The following KNDC1 variants were observed in gnomAD, a reference collection of about 807,000 sequenced individuals.
KNDC1 encodes the protein kinase non-catalytic C-lobe domain-containing protein 1.
Under a neutral mutation model 172.8 loss-of-function variants are expected in KNDC1, and 106 were observed. The observed-to-expected ratio is 0.61, with a 90% CI of 0.52 to 0.72. KNDC1 has a LOEUF of 0.72. KNDC1 is among the 30% of genes least tolerant of loss of function. The pLI is 0.00. For missense variants in KNDC1, 2,325 were observed against 2,394.5 expected, an observed-to-expected ratio of 0.97 and a Z score of 0.61; for synonymous variants, 1,083 against 1,062.2, an observed-to-expected ratio of 1.02 and a Z score of -0.38.
intron 8 of KNDC1, 25 bp downstream of exon 8, chr10:133,189,694 C>A (rs1481544814): frequency 6.2e-7 from 1 of 1,613,852 alleles, no homozygotes; most frequent in Admixed American, 1.7e-5. Context: ...TCCCCTCAGG[C>A]CGAGTCCAGC....
At chr10:133,195,522 A>C (rs1854164482) in intron 9 of KNDC1, 141 bp from the exon 10 acceptor site, 2 of 727,920 alleles carry the variant, frequency 2.7e-6, no homozygotes, top group Non-Finnish European at 4.0e-6. Context: ...GGCCTGATAG[A>C]TGCTGAGGAG....
At chr10:133,166,259 G>A (rs4838700) in intron 1 of KNDC1, among the ~76,000 whole-genome samples, 21 of 151,904 alleles carry the variant, frequency 1.4e-4, no homozygotes, top group Admixed American at 1.2e-3. Flanking sequence ...TCCTCCTCAC[G>A]GGCCCCACCC....
chr10:133,214,050 A>T lies in KNDC1; in HGVS notation c.4605A>T (p.Leu1535Phe). 6.2e-7 allele frequency: 1 copy of T among 1,614,178 alleles called. No homozygotes were observed. The highest frequency in any genetic ancestry group is 2.2e-5 in the East Asian group (1 of 44,882). The change falls in exon 26 of 30, where the codon TTA becomes TTT. Residue 1535 changes from leucine (L) to phenylalanine (F), a missense_variant. Transcript: ENST00000304613. ...ATTACGTTCAGGACAAGTATCTGTT[A>T]CAGCTTCTAAGAAACGCAGATGACG... ...LPNYVQDKYL[L>F]QLLRNADDVS...
chr10:133,172,495 G>A (rs895232096), intron 3 of KNDC1, among the ~76,000 whole-genome samples: 5 of 152,134 alleles, frequency 3.3e-5, no homozygotes, highest in African/African-American at 9.7e-5. Flanking sequence ...TGCGCATATT[G>A]GAGTGGACTG....
At chr10:133,185,268 G>C (rs111954081) in intron 5 of KNDC1, among the ~76,000 whole-genome samples, 100 of 133,972 alleles carry the variant, frequency 7.5e-4, no homozygotes, top group South Asian at 3.1e-3. Flanking sequence ...AGAGTAGGCA[G>C]TGTGTGCAGT....
Position 133,225,029 on chromosome 10 carries a change from G to A in KNDC1, c.*139G>A, listed in dbSNP as rs1564905079. On this transcript the variant is annotated 3_prime_UTR_variant, in exon 30 of 30. Transcript: ENST00000304613. ...ACCCTGGGGAGCTGGACCAGGAGGT[G>A]GAGGCTCAGGGGACCCCATGGGGAC... is the stretch of plus-strand genomic sequence containing the variant. The A allele has an allele frequency of 1.5e-6, 1 of 683,686 alleles. No individual in the cohort carries two copies. Among genetic ancestry groups the A allele is most frequent in the Non-Finnish European group, 2.6e-6 (1 of 390,980 alleles). The allele number at this position is 683,686 out of a possible 1,614,324, so 42.4% of individuals were successfully genotyped here.
chr10:133,205,065 C>A (rs938226826), intron 17 of KNDC1, among the ~76,000 whole-genome samples: 2 of 73,360 alleles, frequency 2.7e-5, no homozygotes, highest in Non-Finnish European at 6.0e-5. Flanking sequence ...CCAAGCCCCA[C>A]GGGTGCAGGA....
At chr10:133,210,160 C>T (rs1845329215) in intron 20 of KNDC1, among the ~76,000 whole-genome samples, 1 of 151,906 alleles carries the variant, frequency 6.6e-6, no homozygotes, top group Non-Finnish European at 1.5e-5. Flanking sequence ...CCGAGGCAGG[C>T]AGATCACCTG....
chr10:133,223,612 C>T (rs1845657352), intron 29 of KNDC1, among the ~76,000 whole-genome samples: 1 of 66,952 alleles, frequency 1.5e-5, no homozygotes, highest in South Asian at 7.7e-4. Flanking sequence ...TGTGAGAGCC[C>T]ATCCAGGCAT....
intron 28 of KNDC1, 76 bp downstream of exon 28, chr10:133,219,166 G>A: frequency 2.0e-6 from 3 of 1,525,116 alleles, no homozygotes; most frequent in Non-Finnish European, 2.7e-6. Flanking sequence ...TGCAGAGCCT[G>A]CCGCACCCAG....
Position 133,223,606 on chromosome 10 carries a change from A to T in KNDC1, c.5019-1053A>T, listed in dbSNP as rs1375781805. Among the ~76,000 whole-genome samples the T allele has an allele frequency of 1.8e-4, 9 of 50,870 alleles. 1 individual carries two copies. Among genetic ancestry groups the T allele is most frequent in the East Asian group, 1.2e-3 (2 of 1,666 alleles). The allele number at this position is 50,870 out of a possible 152,430, so 33.4% of individuals were successfully genotyped here. A position where few individuals can be genotyped will look rare whatever the true frequency, so the allele number is the denominator to read the frequency against. On this transcript the variant is annotated intron_variant, in intron 29 of 29. Coordinates refer to ENST00000304613, the MANE Select transcript of KNDC1 (RefSeq NM_152643.8). ...TCTTCCCGGCGTGTGTGTGTGTGTGAGAGCCCATCCAGGCATGCTCTTCCC... is the reference window on the plus strand; with the variant it reads ...TCTTCCCGGCGTGTGTGTGTGTGTGTGAGCCCATCCAGGCATGCTCTTCCC...
Position 133,214,103 on chromosome 10 carries a change from T to C in KNDC1, c.4658T>C (p.Val1553Ala), listed in dbSNP as rs1845428339. 6.2e-7 allele frequency: 1 copy of C among 1,613,930 alleles called. No individual in the cohort carries two copies. Among genetic ancestry groups the C allele is most frequent in the East Asian group, 2.2e-5 (1 of 44,890 alleles). Residue 1553 changes from valine to alanine, a missense_variant, in exon 26 of 30, where the codon GTG becomes GCG. Transcript: ENST00000304613. Reference sequence around the variant, plus strand: ...AGCACCTGGGTGGCTGCAGAGATTGTGACCAGCCACACCTCCAAGGTGGGC... The same window carrying C: ...AGCACCTGGGTGGCTGCAGAGATTGCGACCAGCCACACCTCCAAGGTGGGC... ...DVSTWVAAEIVTSHTSKLQVN... is the reference protein window; with the variant it reads ...DVSTWVAAEIATSHTSKLQVN...
At chr10:133,202,764 C>T (rs757338772) in intron 17 of KNDC1, 23 of 421,690 alleles carry the variant, frequency 5.5e-5, no homozygotes, top group Non-Finnish European at 9.5e-5. Context: ...AGGGGTTAAG[C>T]TCTGTGAAGC....
At chr10:133,161,080 G>T (rs532019800) in intron 1 of KNDC1, among the ~76,000 whole-genome samples, 2 of 151,902 alleles carry the variant, frequency 1.3e-5, no homozygotes, top group African/African-American at 4.8e-5. Flanking sequence ...CCCCTACCCC[G>T]CAAGGTGCAG....
chr10:133,181,154 C>A (rs1014568634), intron 3 of KNDC1, among the ~76,000 whole-genome samples: 3 of 151,910 alleles, frequency 2.0e-5, no homozygotes, highest in Middle Eastern at 3.2e-3. Context: ...ATGGGGCACC[C>A]ACTGACGCCA....
chr10:133,189,524 G>GCAGCTCCTTCCCCCCAGC, intron 7 of KNDC1, 74 bp from the exon 8 acceptor site: 11 of 1,444,180 alleles, frequency 7.6e-6, no homozygotes, highest in Non-Finnish European at 9.6e-6. Context: ...CTGAGGCTCC[G>GCAGCTCCTTCCCCCCAGC]CAGCTCCTTC....
At chr10:133,197,831 C>A in intron 12 of KNDC1, 63 bp downstream of exon 12, 1 of 1,244,660 alleles carries the variant, frequency 8.0e-7, no homozygotes, top group Non-Finnish European at 1.2e-6. Flanking sequence ...CAGCTGCCCC[C>A]ACCTCTGCAT....
intron 8 of KNDC1, 23 bp downstream of exon 8, chr10:133,189,692 G>A (rs1169425162): frequency 1.9e-6 from 3 of 1,613,890 alleles, no homozygotes; most frequent in Non-Finnish European, 2.5e-6. Context: ...GTTCCCCTCA[G>A]GCCGAGTCCA....
chr10:133,183,819 C>T (rs537175773), intron 4 of KNDC1, 53 bp from the exon 5 acceptor site: 12 of 1,375,230 alleles, frequency 8.7e-6, no homozygotes, highest in African/African-American at 1.4e-5. Flanking sequence ...TGGGTGGCTG[C>T]GGGAGATGGC....
Sources: gnomAD v4.1 joint callset for allele counts (sites outside exome capture counted in the v4.1 genomes callset) on GRCh38, gnomAD v4.1.1 for gene constraint, MANE v1.5 for transcripts, NCBI Gene and HGNC (gene_info 2026-07-23, HGNC 2026-07-21) for gene names.